PRMT8: variants seen among roughly 807,000 people sequenced by gnomAD.
PRMT8 encodes the protein protein arginine methyltransferase 8, also known as protein arginine N-methyltransferase 8.
In PRMT8, 7 loss-of-function variants were observed where a neutral mutation model predicts 47.1. That is an observed-to-expected ratio of 0.15 (90% confidence interval 0.08 to 0.28). PRMT8 has a LOEUF of 0.28. PRMT8 is among the 10% of genes least tolerant of loss of function. PRMT8 has a pLI of 1.00. For missense variants in PRMT8, 237 were observed against 505.4 expected, an observed-to-expected ratio of 0.47 and a Z score of 5.09; for synonymous variants, 188 against 186.5, an observed-to-expected ratio of 1.01 and a Z score of -0.07.
intron 1 of PRMT8, among the ~76,000 whole-genome samples, chr12:3,518,156 G>C (rs1591580914): frequency 6.6e-6 from 1 of 152,256 alleles, no homozygotes; most frequent in East Asian, 1.9e-4. Flanking sequence ...GAGACTGGGG[G>C]CAACAGGAAA....
At chr12:3,484,245 A>T (rs1157410990) in intron 1 of PRMT8, among the ~76,000 whole-genome samples, 2 of 152,114 alleles carry the variant, frequency 1.3e-5, no homozygotes, top group East Asian at 3.9e-4. Flanking sequence ...CTTTGCTGTC[A>T]TTTGGAGGTG....
At chr12:3,518,208 C>T (rs1865826062) in intron 1 of PRMT8, among the ~76,000 whole-genome samples, 2 of 151,986 alleles carry the variant, frequency 1.3e-5, no homozygotes, top group African/African-American at 4.8e-5. Flanking sequence ...GAAGCTAAAC[C>T]CAATGCTCCC....
rs1864971673 is a variant in PRMT8 at position 3,456,214 on chromosome 12, C to A, written c.48+74772C>A. 6.6e-6 allele frequency among the ~76,000 whole-genome samples: 1 copy of A among 152,226 alleles called. No individual in the cohort carries two copies. The highest frequency in any genetic ancestry group is 2.4e-5 in the African/African-American group (1 of 41,452). ...GCCAGCGCTGGCACACCAAGCGCCA[C>A]CTTTGAGCGGGAAATGGCAGCCTCC... On this transcript the variant is annotated intron_variant, in intron 1 of 9. Transcript: ENST00000452611. The surrounding 1 kb of genome is among the most constrained non-coding windows in gnomAD (Gnocchi z 4.2).
intron 1 of PRMT8, among the ~76,000 whole-genome samples, chr12:3,420,883 G>A (rs550349664): frequency 1.3e-5 from 2 of 152,316 alleles, no homozygotes; most frequent in South Asian, 4.2e-4. Flanking sequence ...TGGAGCTGGG[G>A]CTGCTTCAGT....
In PRMT8 at chr12:3,550,871, A is replaced by T. The variant is rs1434601970; in HGVS notation, c.417+780A>T. The T allele has an allele frequency of 1.3e-5, 2 of 152,260 alleles. No individual in the cohort carries two copies. The highest frequency in any genetic ancestry group is 4.8e-5 in the African/African-American group (2 of 41,462). The allele number at this position is 152,260 out of a possible 1,614,324, so 9.4% of individuals were successfully genotyped here. A position where few individuals can be genotyped will look rare whatever the true frequency, so the allele number is the denominator to read the frequency against. On this transcript the variant is annotated intron_variant, in intron 3 of 9. Transcript: ENST00000382622. This position sits in a 1 kb window ranked among gnomAD's most constrained non-coding sequence, Gnocchi z 5.1. ...AGAAACTAAAAAGAAGAGCTGCGAG[A>T]TGCTGGCTGATATTTGAAAAATGCA...
At chr12:3,542,908 T>C (rs565418603) in intron 2 of PRMT8, among the ~76,000 whole-genome samples, 2 of 152,344 alleles carry the variant, frequency 1.3e-5, no homozygotes, top group Admixed American at 6.5e-5. Context: ...GCTAATCCAG[T>C]CATTCAGGCG....
At chr12:3,563,139 T>G (rs1397681387) in intron 4 of PRMT8, among the ~76,000 whole-genome samples, 2 of 147,652 alleles carry the variant, frequency 1.4e-5, no homozygotes, top group African/African-American at 5.0e-5. Context: ...AGTCCTGGTA[T>G]TGTTCTGATT....
intron 1 of PRMT8, among the ~76,000 whole-genome samples, chr12:3,399,244 A>T (rs1009625432): frequency 1.3e-5 from 2 of 152,196 alleles, no homozygotes; most frequent in African/African-American, 4.8e-5. Flanking sequence ...TCATGAACCC[A>T]CAGGACACAG....
chr12:3,516,401 G>GT (rs1865792968), intron 1 of PRMT8, among the ~76,000 whole-genome samples: 1 of 152,186 alleles, frequency 6.6e-6, no homozygotes, highest in Non-Finnish European at 1.5e-5. Flanking sequence ...TTCACTCAGC[G>GT]TAAGAGACAG....
At chr12:3,437,423 A>G (rs1591549807) in intron 1 of PRMT8, among the ~76,000 whole-genome samples, 1 of 151,782 alleles carries the variant, frequency 6.6e-6, no homozygotes, top group Admixed American at 6.6e-5. Context: ...ATATAGGTAC[A>G]TTGTGCGTCC....
intron 1 of PRMT8, among the ~76,000 whole-genome samples, chr12:3,465,066 G>C (rs1469085315): frequency 2.0e-5 from 3 of 149,414 alleles, no homozygotes; most frequent in Non-Finnish European, 4.4e-5. Flanking sequence ...AGTGAGCAGA[G>C]ATTGCACCAT....
intron 7 of PRMT8, among the ~76,000 whole-genome samples, chr12:3,578,263 C>G (rs1460231629): frequency 6.6e-6 from 1 of 152,144 alleles, no homozygotes; most frequent in African/African-American, 2.4e-5. Context: ...CTTTCTCTCT[C>G]TGTCACCCAG....
intron 1 of PRMT8, among the ~76,000 whole-genome samples, chr12:3,432,294 C>G (rs1320892142): frequency 6.6e-6 from 1 of 152,242 alleles, no homozygotes; most frequent in African/African-American, 2.4e-5. Flanking sequence ...AGCAAGTCAC[C>G]TTGCACTTCA....
At chr12:3,507,306 A>G (rs1206597807) in intron 1 of PRMT8, among the ~76,000 whole-genome samples, 2 of 151,850 alleles carry the variant, frequency 1.3e-5, no homozygotes, top group African/African-American at 2.4e-5. Context: ...TATTTTTAGT[A>G]GAGATGGCGT....
rs1477425170 is a variant in PRMT8 at position 3,456,210 on chromosome 12, G to A, written c.48+74768G>A. ...GTACGCCAGCGCTGGCACACCAAGC[G>A]CCACCTTTGAGCGGGAAATGGCAGC... is the stretch of plus-strand genomic sequence containing the variant. On this transcript the variant is annotated intron_variant, in intron 1 of 9. Coordinates refer to the PRMT8 transcript ENST00000452611. The surrounding 1 kb of genome is among the most constrained non-coding windows in gnomAD (Gnocchi z 4.2). 6.6e-6 allele frequency among the ~76,000 whole-genome samples: 1 copy of A among 152,190 alleles called. No individual in the cohort carries two copies. The highest frequency in any genetic ancestry group is 1.9e-4 in the East Asian group (1 of 5,196).
At position 3,535,763 on chromosome 12, in the gene PRMT8, G is replaced by C. The variant is rs532873746; in HGVS notation, c.76-4843G>C. On this transcript the variant is annotated intron_variant, in intron 1 of 9. Coordinates refer to ENST00000382622, the MANE Select transcript of PRMT8 (RefSeq NM_019854.5). This position sits in a 1 kb window ranked among gnomAD's most constrained non-coding sequence, Gnocchi z 4.7. ...CAGGGAGCAAATTGGAGGTGAGAAA[G>C]CTGCAGCCATGAGCAGACCAAGACG... Among the ~76,000 whole-genome samples the C allele has an allele frequency of 6.6e-6, 1 of 152,176 alleles. No homozygotes were observed. The highest frequency in any genetic ancestry group is 1.5e-5 in the Non-Finnish European group (1 of 68,032).
chr12:3,432,750 T>A (rs546646979), intron 1 of PRMT8, among the ~76,000 whole-genome samples: 1 of 152,264 alleles, frequency 6.6e-6, no homozygotes, highest in East Asian at 1.9e-4. Flanking sequence ...AAGAAAAAAT[T>A]CTTTTTTTGT....
chr12:3,429,451 G>A (rs1457932634), intron 1 of PRMT8, among the ~76,000 whole-genome samples: 1 of 152,148 alleles, frequency 6.6e-6, no homozygotes, highest in Non-Finnish European at 1.5e-5. Flanking sequence ...AAAACACCAT[G>A]CTAACACCAC....
At chr12:3,558,924 T>C (rs939468462) in intron 4 of PRMT8, among the ~76,000 whole-genome samples, 1 of 150,730 alleles carries the variant, frequency 6.6e-6, no homozygotes, top group African/African-American at 2.5e-5. Context: ...AATATTTCAT[T>C]ATTCACCAAA....
Sources: allele counts gnomAD v4.1 joint callset (sites outside exome capture counted in the v4.1 genomes callset), GRCh38; gene constraint gnomAD v4.1.1; non-coding constraint Gnocchi (gnomAD v3.1); transcripts MANE v1.5; gene names NCBI Gene and HGNC (gene_info 2026-07-23, HGNC 2026-07-21).